The following MICU3 variants were observed in gnomAD, a reference collection of about 807,000 sequenced individuals.
MICU3 encodes the protein calcium uptake protein 3, mitochondrial.
MICU3 carries 62 observed loss-of-function variants against 66.5 expected under a neutral mutation model. The observed-to-expected ratio is 0.93, with a 90% CI of 0.76 to 1.15. The LOEUF (loss-of-function observed/expected upper bound fraction) is 1.15, where lower values mean the gene tolerates loss of function less well. Ranked by LOEUF, MICU3 falls within the 50% of genes most tolerant of loss-of-function variation. MICU3 has a pLI of 0.00. For synonymous variants in MICU3, 308 were observed against 240.7 expected (o/e 1.28, Z -2.59); for missense variants, 779 against 664.4 (o/e 1.17, Z -1.90).
Position 17,122,581 on chromosome 8 carries a change from G to C in MICU3, c.*2294G>C, listed in dbSNP as rs1377083085. ...TACTGTTCTTATTATAAATTGCAAAGCAACCTGTCTTACATTCTTACATTA... is the reference window on the plus strand; with the variant it reads ...TACTGTTCTTATTATAAATTGCAAACCAACCTGTCTTACATTCTTACATTA... On this transcript the variant is annotated 3_prime_UTR_variant, in exon 15 of 15. Coordinates refer to ENST00000318063, the MANE Select transcript of MICU3 (RefSeq NM_181723.3). 6.6e-6 allele frequency: 1 copy of C among 151,884 alleles called. No homozygotes were observed. Among genetic ancestry groups the C allele is most frequent in the East Asian group, 1.9e-4 (1 of 5,202 alleles). The allele number at this position is 151,884 out of a possible 1,614,324, so 9.4% of individuals were successfully genotyped here. A position where few individuals can be genotyped will look rare whatever the true frequency, so the allele number is the denominator to read the frequency against.
intron 6 of MICU3, among the ~76,000 whole-genome samples, chr8:17,085,965 C>T (rs368132759): frequency 1.3e-5 from 2 of 152,114 alleles, no homozygotes; most frequent in South Asian, 4.1e-4. Flanking sequence ...TGACAAAATG[C>T]CTAGTATATT....
chr8:17,032,380 TC>T (rs1383532372), intron 1 of MICU3, among the ~76,000 whole-genome samples: 1 of 152,210 alleles, frequency 6.6e-6, no homozygotes, highest in Non-Finnish European at 1.5e-5. Flanking sequence ...CCTTTTTTTT[TC>T]ATGCCCAGAA....
intron 1 of MICU3, among the ~76,000 whole-genome samples, chr8:17,060,393 T>C (rs1269752994): frequency 6.6e-6 from 1 of 151,568 alleles, no homozygotes; most frequent in Non-Finnish European, 1.5e-5. Context: ...GCCTCCCGGG[T>C]TACGAGTGAT....
In MICU3 at chr8:17,029,332, C is replaced by T. The variant is rs180940329; in HGVS notation, c.381+1672C>T. Among the ~76,000 whole-genome samples, 55 of 152,156 alleles carry T rather than the reference C, an allele frequency of 3.6e-4. 1 individual carries two copies. In the East Asian group the frequency reaches 9.7e-3, roughly 27 times the overall value. The stretch of plus-strand genomic sequence containing the variant: ...CTCTACTAAAAATACAAAAATCAGC[C>T]GGGTGTGGTGTTGGGCGCTTGTAAT... On this transcript the variant is annotated intron_variant, in intron 1 of 14. Coordinates refer to ENST00000318063, the MANE Select transcript of MICU3 (RefSeq NM_181723.3).
chr8:17,044,605 A>G (rs951595075), intron 1 of MICU3, among the ~76,000 whole-genome samples: 1 of 152,224 alleles, frequency 6.6e-6, no homozygotes, highest in African/African-American at 2.4e-5. Context: ...GTCCAAAAGC[A>G]ATGTGGATCT....
chr8:17,112,572 A>G (rs1027197631), intron 11 of MICU3, among the ~76,000 whole-genome samples: 3 of 152,242 alleles, frequency 2.0e-5, no homozygotes, highest in African/African-American at 7.2e-5. Context: ...AATCTACACA[A>G]AAGAATGATT....
chr8:17,122,874 A>G (rs1267716143), downstream of MICU3, among the ~76,000 whole-genome samples: 1 of 148,652 alleles, frequency 6.7e-6, no homozygotes, highest in Non-Finnish European at 1.5e-5. Context: ...TTATAGAATT[A>G]TGGTCATTGG....
intron 1 of MICU3, among the ~76,000 whole-genome samples, chr8:17,032,898 G>T (rs1419647946): frequency 6.6e-6 from 1 of 152,098 alleles, no homozygotes; most frequent in Non-Finnish European, 1.5e-5. Flanking sequence ...TATTTTATCT[G>T]TTATGGTAAT....
At chr8:17,041,427 G>A (rs986475597) in intron 1 of MICU3, among the ~76,000 whole-genome samples, 6 of 152,166 alleles carry the variant, frequency 3.9e-5, no homozygotes, top group African/African-American at 1.4e-4. Flanking sequence ...GGAAGTCATG[G>A]GTGATTTTGT....
chr8:17,049,618 A>G lies in MICU3; in HGVS notation c.382-14466A>G, dbSNP rs777006352. 6 of 518,634 alleles carry G rather than the reference A, an allele frequency of 1.2e-5. No individual in the cohort carries two copies. In the Admixed American group the frequency reaches 1.2e-4, roughly 10 times the overall value. 32.1% of individuals were successfully genotyped at this position (518,634 alleles called of 1,614,324 possible). Reference sequence around the variant, plus strand: ...AGGGATGAAGCTGGCATTTGAACGTAGGCCGGAAGGATTGCAAAACCCATA... The same window carrying G: ...AGGGATGAAGCTGGCATTTGAACGTGGGCCGGAAGGATTGCAAAACCCATA... On this transcript the variant is annotated intron_variant, in intron 1 of 14. Coordinates refer to ENST00000318063, the MANE Select transcript of MICU3 (RefSeq NM_181723.3).
At chr8:17,060,937 C>G (rs1817739540) in intron 1 of MICU3, among the ~76,000 whole-genome samples, 2 of 152,140 alleles carry the variant, frequency 1.3e-5, no homozygotes, top group East Asian at 3.9e-4. Context: ...TATTGCTAAG[C>G]CAACAGGAGT....
chr8:17,064,305 G>A (rs1818342997), intron 2 of MICU3, 68 bp downstream of exon 2: 19 of 1,292,444 alleles, frequency 1.5e-5, no homozygotes, highest in Non-Finnish European at 2.0e-5. Flanking sequence ...TGAATGGATG[G>A]AGCAGTATAA....
intron 3 of MICU3, among the ~76,000 whole-genome samples, chr8:17,076,418 T>C (rs551638989): frequency 6.6e-6 from 1 of 152,314 alleles, no homozygotes; most frequent in Admixed American, 6.5e-5. Context: ...AGTTTCTCAT[T>C]ACAATTCGGA....
At chr8:17,066,514 A>AATATATATATATATATAT (rs1487739500) in intron 2 of MICU3, among the ~76,000 whole-genome samples, 3 of 85,930 alleles carry the variant, frequency 3.5e-5, no homozygotes, top group African/African-American at 9.5e-5. Context: ...GATTGTTAAT[A>AATATATATATATATATAT]ATCTATATAT....
intron 1 of MICU3, among the ~76,000 whole-genome samples, chr8:17,054,064 T>C (rs1300412632): frequency 1.3e-5 from 2 of 152,224 alleles, no homozygotes; most frequent in African/African-American, 2.4e-5. Context: ...CAAGGTCTTT[T>C]TGATAGAAAA....
At chr8:17,129,765 A>G in the MICU3 span, among the ~76,000 whole-genome samples, 1 of 152,220 alleles carries the variant, frequency 6.6e-6, no homozygotes, top group East Asian at 1.9e-4. Context: ...ATTCTTCCCA[A>G]ATTTGAAGAA....
intron 1 of MICU3, among the ~76,000 whole-genome samples, chr8:17,047,379 A>G (rs1481873352): frequency 6.6e-6 from 1 of 152,238 alleles, no homozygotes; most frequent in Non-Finnish European, 1.5e-5. Context: ...AAATAGACTG[A>G]GACAGTCCAA....
chr8:17,133,226 A>G, the MICU3 span, among the ~76,000 whole-genome samples: 1 of 152,170 alleles, frequency 6.6e-6, no homozygotes, highest in East Asian at 1.9e-4. Flanking sequence ...GGGAAAGTGC[A>G]CTATCTAGTT....
chr8:17,114,035 C>A, intron 11 of MICU3, 58 bp from the exon 12 acceptor site: 1 of 1,114,234 alleles, frequency 9.0e-7, no homozygotes, highest in South Asian at 1.4e-5. Context: ...ATGTGTAGAT[C>A]CTGATTTTAA....
Sources: gnomAD v4.1 joint callset for allele counts (sites outside exome capture counted in the v4.1 genomes callset) on GRCh38, gnomAD v4.1.1 for gene constraint, MANE v1.5 for transcripts, NCBI Gene and HGNC (gene_info 2026-07-23, HGNC 2026-07-21) for gene names.